The following PSMD1 variants were observed in gnomAD, a reference collection of about 807,000 sequenced individuals.
PSMD1 encodes the protein 26S proteasome non-ATPase regulatory subunit 1.
Under a neutral mutation model 119.0 loss-of-function variants are expected in PSMD1, and 18 were observed. The observed-to-expected ratio is 0.15, with a 90% confidence interval of 0.10 to 0.22. The LOEUF (loss-of-function observed/expected upper bound fraction) is 0.22, where lower values mean the gene tolerates loss of function less well. Among genes scored for constraint, PSMD1 ranks in the 10% least tolerant of loss-of-function variants. The pLI is 1.00. For missense variants in PSMD1, 702 were observed against 1,158.5 expected, an observed-to-expected ratio of 0.61 and a Z score of 5.72; for synonymous variants, 374 against 396.6, an observed-to-expected ratio of 0.94 and a Z score of 0.68.
Position 231,079,600 on chromosome 2 carries a change from G to A in PSMD1, c.1225G>A (p.Gly409Ser). The A allele has an allele frequency of 2.5e-6, 4 of 1,604,872 alleles. No individual in the cohort carries two copies. The highest frequency in any genetic ancestry group is 3.4e-6 in the Non-Finnish European group (4 of 1,174,472). Reference protein sequence around the residue: ...WAKFTATASLGVIHKGHEKEA... With the variant: ...WAKFTATASLSVIHKGHEKEA... The stretch of plus-strand genomic sequence containing the variant: ...AAAATTTACTGCTACAGCCAGTTTG[G>A]GTGTAATTCATAAGGTAATATATAT... Residue 409 changes from glycine (G) to serine (S), a missense_variant, in exon 11 of 25, where the codon GGT becomes AGT. Physicochemically the swap from Gly to Ser is moderately conservative, Grantham distance 56. Around this residue, in one of 9 missense-constraint regions of PSMD1, gnomAD observed 272 missense variants for 511.6 expected, o/e 0.53. Coordinates refer to ENST00000308696, the MANE Select transcript of PSMD1 (RefSeq NM_002807.4).
intron 16 of PSMD1, chr2:231,108,453 G>T: frequency 8.6e-7 from 1 of 1,168,574 alleles, no homozygotes; most frequent in Non-Finnish European, 1.3e-6. Context: ...ATATATTCTT[G>T]GCACATTTAC....
intron 21 of PSMD1, among the ~76,000 whole-genome samples, chr2:231,164,213 C>T (rs1268729008): frequency 6.6e-6 from 1 of 152,090 alleles, no homozygotes; most frequent in East Asian, 1.9e-4. Context: ...TCTTTATACA[C>T]ATGTATTTGT....
intron 15 of PSMD1, 104 bp downstream of exon 15, chr2:231,085,218 A>C (rs150738021): frequency 1.1e-4 from 97 of 907,584 alleles, no homozygotes; most frequent in Non-Finnish European, 1.7e-4. Context: ...GACCACCACC[A>C]GTGGTCTTAG....
chr2:231,060,574 T>C (rs1002939516), intron 1 of PSMD1, among the ~76,000 whole-genome samples: 3 of 152,248 alleles, frequency 2.0e-5, no homozygotes, highest in Admixed American at 1.3e-4. Context: ...TTATTCCTTT[T>C]ACTCTCCTAT....
At chr2:231,078,816 GTGC>G in intron 10 of PSMD1, 69 bp downstream of exon 10, 2 of 438,530 alleles carry the variant, frequency 4.6e-6, no homozygotes, top group Non-Finnish European at 6.0e-6. Flanking sequence ...TTTTTTTTTT[GTGC>G]AGTCTTACTC....
chr2:231,079,441 A>G, intron 10 of PSMD1, 95 bp from the exon 11 acceptor site: 1 of 706,218 alleles, frequency 1.4e-6, no homozygotes, highest in Non-Finnish European at 2.3e-6. Context: ...GAAGGGTTCA[A>G]GGTAAAATTT....
At chr2:231,103,167 G>A (rs988906666) in intron 16 of PSMD1, among the ~76,000 whole-genome samples, 4 of 152,066 alleles carry the variant, frequency 2.6e-5, no homozygotes, top group African/African-American at 7.2e-5. Context: ...TTTTCCTATC[G>A]TGGATGGAAA....
At position 231,076,904 on chromosome 2, in the gene PSMD1, G is replaced by T. The variant is rs1013420881; in HGVS notation, c.943-130G>T. ...ATCTCAGTAGCATCTAATAAAGAAA[G>T]AAATAAATTATCCTTTCTCTTAAAA... is the stretch of plus-strand genomic sequence containing the variant. On this transcript the variant is annotated intron_variant, in intron 8 of 24. Transcript: ENST00000308696. 6.6e-5 allele frequency: 49 copies of T among 745,812 alleles called. 1 individual carries two copies. Among genetic ancestry groups the T allele is most frequent in the East Asian group, 3.7e-4 (11 of 29,560 alleles). 46.2% of individuals were successfully genotyped at this position (745,812 alleles called of 1,614,324 possible).
chr2:231,123,593 C>T, intron 16 of PSMD1: 6 of 1,614,102 alleles, frequency 3.7e-6, no homozygotes, highest in Non-Finnish European at 3.4e-6. Flanking sequence ...ATCAGAAGAG[C>T]TGCCCAGTGC....
Position 231,138,734 on chromosome 2 carries a change from A to G in PSMD1, c.1884-2A>G. On this transcript the variant is annotated splice_acceptor_variant, in intron 16 of 24. Coordinates refer to ENST00000308696, the MANE Select transcript of PSMD1 (RefSeq NM_002807.4). LOFTEE classifies it high-confidence loss of function. ...GTGGCTTCGCTTTCTGTTTCTTATC[A>G]GAACCCCTGAACAGTGCCCAAGTGT... is the stretch of plus-strand genomic sequence containing the variant. The G allele has an allele frequency of 6.2e-7, 1 of 1,610,038 alleles. No individual in the cohort carries two copies. Among genetic ancestry groups the G allele is most frequent in the Non-Finnish European group, 8.5e-7 (1 of 1,176,262 alleles).
At chr2:231,146,481 A>C (rs1325140042) in intron 18 of PSMD1, 125 bp downstream of exon 18, 7 of 671,038 alleles carry the variant, frequency 1.0e-5, no homozygotes, top group Non-Finnish European at 1.8e-5. Context: ...AAAAGTAAAG[A>C]GAGCATTTTA....
At chr2:231,086,291 G>A (rs1001323572) in intron 15 of PSMD1, among the ~76,000 whole-genome samples, 6 of 152,136 alleles carry the variant, frequency 3.9e-5, no homozygotes, top group Non-Finnish European at 5.9e-5. Context: ...CAATCCTCCT[G>A]TTTTGGCCTC....
intron 6 of PSMD1, 125 bp downstream of exon 6, chr2:231,070,293 A>G (rs1008997266): frequency 5.2e-5 from 40 of 768,776 alleles, no homozygotes; most frequent in Non-Finnish European, 6.7e-5. Flanking sequence ...GCTGATCTTC[A>G]CAGCAGCCCT....
chr2:231,172,445 T>A (rs1384428360), intron 24 of PSMD1, 90 bp from the exon 25 acceptor site: 2 of 152,178 alleles, frequency 1.3e-5, no homozygotes, highest in African/African-American at 4.8e-5. Context: ...TAGTTTTAGA[T>A]TTCAACAGTT....
intron 9 of PSMD1, among the ~76,000 whole-genome samples, chr2:231,077,847 G>C (rs1047874307): frequency 6.6e-6 from 1 of 152,110 alleles, no homozygotes; most frequent in Non-Finnish European, 1.5e-5. Flanking sequence ...TTTGATTAAA[G>C]CATGTGTAAT....
intron 5 of PSMD1, among the ~76,000 whole-genome samples, chr2:231,067,720 A>C (rs932520039): frequency 4.6e-5 from 7 of 151,632 alleles, no homozygotes; most frequent in African/African-American, 1.7e-4. Context: ...GCGGTGGCGC[A>C]ATCTTGGCTC....
At chr2:231,137,315 C>T (rs1342291339) in intron 16 of PSMD1, among the ~76,000 whole-genome samples, 1 of 151,476 alleles carries the variant, frequency 6.6e-6, no homozygotes, top group Non-Finnish European at 1.5e-5. Context: ...GAGGTTTCAC[C>T]ATGTTGGCCA....
chr2:231,118,579 G>GT, intron 16 of PSMD1, among the ~76,000 whole-genome samples: 1 of 152,186 alleles, frequency 6.6e-6, no homozygotes, highest in South Asian at 2.1e-4. Flanking sequence ...GTTGGTTTGG[G>GT]TATTTTTTTG....
intron 16 of PSMD1, among the ~76,000 whole-genome samples, chr2:231,130,896 T>C (rs1695838759): frequency 6.6e-6 from 1 of 152,238 alleles, no homozygotes; most frequent in East Asian, 1.9e-4. Context: ...CGTGATGTTA[T>C]CTAGAAGGCA....
Sources: allele counts gnomAD v4.1 joint callset (sites outside exome capture counted in the v4.1 genomes callset), GRCh38; gene constraint gnomAD v4.1.1; regional missense constraint gnomAD v4.1.1; transcripts MANE v1.5; gene names NCBI Gene and HGNC (gene_info 2026-07-23, HGNC 2026-07-21).